NAV2: variants seen among roughly 807,000 people sequenced by gnomAD.
NAV2 encodes the protein helicase, APC down-regulated 1.
Under a neutral mutation model 223.2 loss-of-function variants are expected in NAV2, and 54 were observed. That is an observed-to-expected ratio of 0.24 (90% confidence interval 0.19 to 0.30). The LOEUF is 0.30. Ranked by LOEUF, NAV2 falls within the 10% of genes least tolerant of loss-of-function variation. The probability of loss-of-function intolerance (pLI) is 1.00; values close to 1 mark genes in which losing one functional copy is unlikely to be tolerated. For missense variants in NAV2, 2,806 were observed against 3,147.5 expected (o/e 0.89, Z 2.60); for synonymous variants, 1,279 against 1,239.3 (o/e 1.03, Z -0.67).
In NAV2 at chr11:20,060,667, G is replaced by C. The variant is rs1041501469; in HGVS notation, c.4832-1640G>C. ...AGGGAGGAGGAAGCCCTCCCAGGTGGCAGTCTGCGAAATGAGGAAAGGTCC... is the reference window on the plus strand; with the variant it reads ...AGGGAGGAGGAAGCCCTCCCAGGTGCCAGTCTGCGAAATGAGGAAAGGTCC... On this transcript the variant is annotated intron_variant, in intron 19 of 37. Transcript: ENST00000349880. 5.3e-5 allele frequency among the ~76,000 whole-genome samples: 8 copies of C among 152,342 alleles called. No individual in the cohort carries two copies. The East Asian group carries it at 1.5e-3, about 29-fold the overall frequency.
chr11:20,092,427 T>G, intron 28 of NAV2, 59 bp downstream of exon 28: 16 of 1,538,582 alleles, frequency 1.0e-5, no homozygotes, highest in Admixed American at 1.9e-5. Flanking sequence ...CCCTGATCTC[T>G]AAGCGAGAAC....
chr11:19,723,767 G>T (rs1044033683), intron 1 of NAV2, among the ~76,000 whole-genome samples: 4 of 152,222 alleles, frequency 2.6e-5, no homozygotes, highest in African/African-American at 9.7e-5. Flanking sequence ...GGGTCCATGT[G>T]CCTAACAGCT....
chr11:19,803,504 G>A (rs1046975665), intron 1 of NAV2, among the ~76,000 whole-genome samples: 26 of 152,224 alleles, frequency 1.7e-4, no homozygotes, highest in Admixed American at 1.5e-3. Context: ...CTGTGGCTTA[G>A]GCAAGTTACT....
chr11:19,937,909 A>G (rs1470183998), intron 7 of NAV2, among the ~76,000 whole-genome samples: 1 of 152,218 alleles, frequency 6.6e-6, no homozygotes, highest in Non-Finnish European at 1.5e-5. Flanking sequence ...GAGAATAAGG[A>G]GAGTGCTGTA....
intron 1 of NAV2, among the ~76,000 whole-genome samples, chr11:19,792,443 A>G (rs1324972701): frequency 6.6e-6 from 1 of 152,228 alleles, no homozygotes; most frequent in East Asian, 1.9e-4. Flanking sequence ...CTCTTGGTAA[A>G]TGAGAATGGT....
At position 20,048,736 on chromosome 11, in the gene NAV2, G is replaced by T. The variant is rs761287751; in HGVS notation, c.3911G>T (p.Gly1304Val). Residue 1304 changes from glycine (G) to valine (V), a missense_variant, in exon 15 of 38, where the codon GGT becomes GTT. Gly to Val is a moderately radical substitution (Grantham distance 109). This residue lies in a region of NAV2 where 742 missense variants were observed against 777.9 expected (regional missense o/e 0.95). Transcript: ENST00000349880. ...VASPTLRRLF[G>V]GKPTKQVPIA... ...CCTTTGTCTCTTCACAGACTCTTTG[G>T]TGGGAAGCCTACCAAGCAAGTGCCC... is the stretch of plus-strand genomic sequence containing the variant. 2.5e-6 allele frequency: 4 copies of T among 1,613,788 alleles called. No homozygotes were observed. The highest frequency in any genetic ancestry group is 1.7e-5 in the Admixed American group (1 of 60,012).
intron 1 of NAV2, among the ~76,000 whole-genome samples, chr11:19,775,348 C>T (rs2056077892): frequency 6.6e-6 from 1 of 152,160 alleles, no homozygotes; most frequent in Admixed American, 6.5e-5. Context: ...AGAAGGGCCT[C>T]TTGTAGTCAT....
intron 1 of NAV2, among the ~76,000 whole-genome samples, chr11:19,416,477 T>C (rs944264389): frequency 6.6e-6 from 1 of 152,200 alleles, no homozygotes; most frequent in Non-Finnish European, 1.5e-5. Context: ...CATTCCATGC[T>C]CATGGATAGG....
chr11:19,578,674 A>G (rs1162496840), intron 1 of NAV2, among the ~76,000 whole-genome samples: 1 of 152,190 alleles, frequency 6.6e-6, no homozygotes, highest in African/African-American at 2.4e-5. Flanking sequence ...TATTTGTGCA[A>G]TATGTTGACC....
In NAV2 at chr11:20,077,584, T is replaced by C. The variant is rs777408767; in HGVS notation, c.5016T>C (p.Leu1672=). ...AHLVAAFEQS[L]GNMTIRLQSL... The stretch of plus-strand genomic sequence containing the variant: ...TTGTGGCAGCCTTTGAACAGAGTCT[T>C]GGTAACATGACAATCAGGCTCCAGA... Residue 1672 remains leucine, a synonymous_variant, in exon 23 of 38, where the codon CTT becomes CTC. Transcript: ENST00000349880. 3.1e-6 allele frequency: 5 copies of C among 1,614,024 alleles called. No homozygotes were observed. The African/African-American group carries it at 6.7e-5, about 22-fold the overall frequency.
intron 19 of NAV2, among the ~76,000 whole-genome samples, chr11:20,058,441 G>C (rs1822272): frequency 1.4e-4 from 21 of 151,964 alleles, no homozygotes; most frequent in Admixed American, 7.9e-4. Context: ...TGCATTATGC[G>C]ATCTTAAAGT....
At chr11:20,085,034 A>T (rs970107648) in intron 26 of NAV2, among the ~76,000 whole-genome samples, 4 of 149,528 alleles carry the variant, frequency 2.7e-5, no homozygotes, top group South Asian at 2.2e-4. Context: ...ACAAAAAAAA[A>T]TTTTTTTTAA....
chr11:19,444,230 T>C (rs1022753294), intron 1 of NAV2, among the ~76,000 whole-genome samples: 10 of 152,210 alleles, frequency 6.6e-5, no homozygotes, highest in Admixed American at 5.2e-4. Context: ...CATGAGCCAC[T>C]GTGCCTGGCC....
intron 1 of NAV2, among the ~76,000 whole-genome samples, chr11:19,487,862 GTACAA>G: frequency 2.5e-4 from 1 of 4,078 alleles, no homozygotes; most frequent in Non-Finnish European, 3.7e-3. Flanking sequence ...AGACCCCAAA[GTACAA>G]AGTAGAGGAC....
intron 1 of NAV2, chr11:19,401,895 C>T (rs551142151): frequency 1.1e-4 from 17 of 152,312 alleles, no homozygotes; most frequent in African/African-American, 3.8e-4. Flanking sequence ...ACAAATTTCT[C>T]CCATCCAAGT....
chr11:20,031,737 T>C (rs1178837415), intron 11 of NAV2, among the ~76,000 whole-genome samples: 1 of 59,100 alleles, frequency 1.7e-5, no homozygotes, highest in African/African-American at 1.0e-4. Flanking sequence ...TTTCGCTTTG[T>C]GTGTGTGTGT....
chr11:19,355,067 G>T (rs1853540885), intron 1 of NAV2, among the ~76,000 whole-genome samples: 2 of 152,170 alleles, frequency 1.3e-5, no homozygotes, highest in African/African-American at 4.8e-5. Flanking sequence ...GTATTGTTCA[G>T]TGCTCTAAGA....
At chr11:19,458,760 C>T (rs1852047945) in intron 1 of NAV2, among the ~76,000 whole-genome samples, 1 of 152,242 alleles carries the variant, frequency 6.6e-6, no homozygotes, top group Non-Finnish European at 1.5e-5. Flanking sequence ...TGCTCAGACT[C>T]CTGTGCTAGC....
chr11:19,671,545 G>A (rs1176908474), intron 1 of NAV2, among the ~76,000 whole-genome samples: 1 of 152,122 alleles, frequency 6.6e-6, no homozygotes, highest in Non-Finnish European at 1.5e-5. Flanking sequence ...ATCCAGCGAA[G>A]CTCCTTGTTG....
Sources: gnomAD v4.1 joint callset for allele counts (sites outside exome capture counted in the v4.1 genomes callset) on GRCh38, gnomAD v4.1.1 for gene constraint, gnomAD v4.1.1 regional missense constraint, MANE v1.5 for transcripts, NCBI Gene and HGNC (gene_info 2026-07-23, HGNC 2026-07-21) for gene names.